OSBP: variants seen among roughly 807,000 people sequenced by gnomAD.
The protein encoded by OSBP is oxysterol-binding protein 1.
Under a neutral mutation model 96.6 loss-of-function variants are expected in OSBP, and 32 were observed. The observed-to-expected ratio is 0.33, with a 90% CI of 0.25 to 0.45. The LOEUF is 0.45. Among genes scored for constraint, OSBP ranks in the 20% least tolerant of loss-of-function variants. The pLI, the probability that OSBP is intolerant of heterozygous loss-of-function variation, is 1.00. For missense variants in OSBP, 653 were observed against 1,029.7 expected (o/e 0.63, Z 5.01); for synonymous variants, 369 against 389.6 (o/e 0.95, Z 0.62).
intron 7 of OSBP, among the ~76,000 whole-genome samples, chr11:59,594,738 G>C (rs903921633): frequency 2.0e-5 from 3 of 152,190 alleles, no homozygotes; most frequent in Non-Finnish European, 4.4e-5. Context: ...CAAAACAATT[G>C]CTAAATCTCA....
At chr11:59,597,332 G>A (rs1860672040) in intron 7 of OSBP, among the ~76,000 whole-genome samples, 2 of 151,916 alleles carry the variant, frequency 1.3e-5, no homozygotes, top group Non-Finnish European at 1.5e-5. Flanking sequence ...TTACAGGTGT[G>A]GGCCACCGCG....
intron 1 of OSBP, among the ~76,000 whole-genome samples, chr11:59,611,084 G>A (rs1383583229): frequency 7.0e-6 from 1 of 142,156 alleles, no homozygotes; most frequent in Non-Finnish European, 1.5e-5. Flanking sequence ...GCAGTGAGCT[G>A]AGATCCCACT....
rs532172095 is a variant in OSBP at position 59,601,761 on chromosome 11, C to G, written c.900G>C (p.Gln300His). 9.9e-6 allele frequency: 16 copies of G among 1,614,166 alleles called. No homozygotes were observed. Among genetic ancestry groups the G allele is most frequent in the Non-Finnish European group, 1.4e-5 (16 of 1,180,004 alleles). Residue 300 changes from glutamine (Q) to histidine (H), a missense_variant, in exon 4 of 14, where the codon CAG becomes CAC. Coordinates refer to ENST00000263847, the MANE Select transcript of OSBP (RefSeq NM_002556.3). ...CGAGGGTTTCTTCCAGTCGGATACG[C>G]TGGTCTCTTTCATACTGTAGTGACT... ...WQKSLQYERD[Q>H]RIRLEETLEQ... is the part of the protein sequence containing the mutation.
chr11:59,603,148 C>T (rs573659423), intron 3 of OSBP, among the ~76,000 whole-genome samples: 2 of 152,300 alleles, frequency 1.3e-5, no homozygotes, highest in African/African-American at 4.8e-5. Flanking sequence ...ACAGCAGTAT[C>T]GTGACTGATT....
intron 3 of OSBP, among the ~76,000 whole-genome samples, chr11:59,604,709 A>G (rs1015332555): frequency 1.3e-5 from 2 of 151,802 alleles, no homozygotes; most frequent in African/African-American, 2.4e-5. Flanking sequence ...TCAAAAAAAA[A>G]GTTGAGTGTA....
At chr11:59,590,736 CT>C (rs765500154) in intron 9 of OSBP, among the ~76,000 whole-genome samples, 1 of 152,304 alleles carries the variant, frequency 6.6e-6, no homozygotes, top group Middle Eastern at 3.4e-3. Context: ...ATATATTTTT[CT>C]TCAGCTATAT....
Position 59,615,660 on chromosome 11 carries a change from G to A in OSBP, c.5C>T (p.Ala2Val), listed in dbSNP as rs1183694496. The A allele has an allele frequency of 7.5e-7, 1 of 1,336,088 alleles. No homozygotes were observed. Among genetic ancestry groups the A allele is most frequent in the Non-Finnish European group, 9.6e-7 (1 of 1,044,254 alleles). 82.8% of individuals were successfully genotyped at this position (1,336,088 alleles called of 1,614,324 possible). ...CACCACTCCTCTCAGCTCCGTCGCC[G>A]CCATGAGCCGCCGCCGCCTGGAGAT... Reference protein sequence around the residue: MAATELRGVVGP... With the variant: MVATELRGVVGP... Residue 2 changes from alanine (A) to valine (V), a missense_variant, in exon 1 of 14, where the codon GCG becomes GTG. Coordinates refer to ENST00000263847, the MANE Select transcript of OSBP (RefSeq NM_002556.3).
chr11:59,591,838 C>A (rs1054079196), intron 9 of OSBP, among the ~76,000 whole-genome samples: 1 of 152,106 alleles, frequency 6.6e-6, no homozygotes, highest in Non-Finnish European at 1.5e-5. Context: ...CCAGGCTGGT[C>A]TCAAACTCCT....
At chr11:59,578,076 C>A in intron 12 of OSBP, 73 bp downstream of exon 12, 1 of 1,396,484 alleles carries the variant, frequency 7.2e-7, no homozygotes. Flanking sequence ...AGAGGGCAGG[C>A]AGAAATGCCT....
intron 1 of OSBP, among the ~76,000 whole-genome samples, chr11:59,613,080 A>T (rs914455290): frequency 2.6e-5 from 4 of 152,244 alleles, no homozygotes; most frequent in Admixed American, 1.3e-4. Context: ...TTGTCTAAAT[A>T]ATTCTTGGAG....
At chr11:59,609,185 A>T (rs1407752657) in intron 2 of OSBP, among the ~76,000 whole-genome samples, 1 of 152,202 alleles carries the variant, frequency 6.6e-6, no homozygotes, top group Non-Finnish European at 1.5e-5. Context: ...CTCCACTATC[A>T]TCTGATAGGT....
chr11:59,585,727 C>A (rs923094269), intron 9 of OSBP, among the ~76,000 whole-genome samples: 1 of 152,140 alleles, frequency 6.6e-6, no homozygotes, highest in Non-Finnish European at 1.5e-5. Flanking sequence ...GAATGGAAAG[C>A]GGGGAAAGGT....
At chr11:59,581,004 T>C (rs1860414081) in intron 10 of OSBP, among the ~76,000 whole-genome samples, 1 of 152,232 alleles carries the variant, frequency 6.6e-6, no homozygotes, top group African/African-American at 2.4e-5. Context: ...AGGGCATCTT[T>C]TATATTAGTG....
intron 12 of OSBP, 90 bp from the exon 13 acceptor site, chr11:59,577,115 A>AT (rs1410493693): frequency 6.1e-5 from 61 of 998,464 alleles, no homozygotes; most frequent in Admixed American, 2.4e-4. Flanking sequence ...CCAAGGCCAC[A>AT]TCACCAAGGC....
intron 8 of OSBP, 116 bp downstream of exon 8, chr11:59,593,891 GAAT>G: frequency 6.9e-7 from 1 of 1,445,524 alleles, no homozygotes; most frequent in South Asian, 1.4e-5. Flanking sequence ...TGAAGAAAAA[GAAT>G]AAAAGCTGGG....
At chr11:59,592,076 C>T (rs990918063) in intron 9 of OSBP, among the ~76,000 whole-genome samples, 3 of 152,198 alleles carry the variant, frequency 2.0e-5, no homozygotes, top group Non-Finnish European at 2.9e-5. Context: ...GGTGAAACAT[C>T]ACATTGCAAT....
intron 1 of OSBP, 92 bp downstream of exon 1, chr11:59,615,211 G>A (rs1451121705): frequency 4.5e-6 from 5 of 1,104,152 alleles, no homozygotes; most frequent in East Asian, 6.4e-5. Flanking sequence ...GGCAACCCTG[G>A]CTGCGGTGCC....
In OSBP at chr11:59,580,209, G is replaced by T; in HGVS notation, c.1843C>A (p.Pro615Thr). ...ACATCCCGAGAGAAGTAGCTATAAG[G>T]AACAAATTTAAGATTACACTTGTCT... The part of the protein sequence containing the change: ...TGDKCNLKFV[P>T]YSYFSRDVAR... The change falls in exon 11 of 14, where the codon CCT becomes ACT. Residue 615 changes from proline to threonine, a missense_variant. Physicochemically the swap from Pro to Thr is conservative, Grantham distance 38. Transcript: ENST00000263847. The T allele has an allele frequency of 6.2e-7, 1 of 1,612,372 alleles. No individual in the cohort carries two copies. Among genetic ancestry groups the T allele is most frequent in the South Asian group, 1.1e-5 (1 of 91,020 alleles).
rs1403400249 is a variant in OSBP, at chr11:59,575,248, T to C, written c.*1329A>G. The C allele has an allele frequency of 1.3e-5, 2 of 152,200 alleles. No individual in the cohort carries two copies. The highest frequency in any genetic ancestry group is 2.9e-5 in the Non-Finnish European group (2 of 68,040). The allele number at this position is 152,200 out of a possible 1,614,324, so 9.4% of individuals were successfully genotyped here. A position where few individuals can be genotyped will look rare whatever the true frequency, so the allele number is the denominator to read the frequency against. On this transcript the variant is annotated 3_prime_UTR_variant, in exon 14 of 14. Transcript: ENST00000263847. ...GAAAGAAAAGAGGCAGGAAAGAGGT[T>C]AGGATTTCATTTTCAAGAGTCAGCT...
Sources: gnomAD v4.1 joint callset for allele counts (sites outside exome capture counted in the v4.1 genomes callset) on GRCh38, gnomAD v4.1.1 for gene constraint, MANE v1.5 for transcripts, NCBI Gene and HGNC (gene_info 2026-07-23, HGNC 2026-07-21) for gene names.